SEM1: variants seen among roughly 807,000 people sequenced by gnomAD.
SEM1 encodes the protein 26S proteasome complex subunit SEM1.
Under a neutral mutation model 12.7 loss-of-function variants are expected in SEM1, and 3 were observed. The observed-to-expected ratio is 0.24, with a 90% CI of 0.11 to 0.61. The LOEUF (loss-of-function observed/expected upper bound fraction) is 0.61. Among genes scored for constraint, SEM1 ranks in the 20% least tolerant of loss-of-function variants. The probability of loss-of-function intolerance (pLI) is 0.88; values close to 1 mark genes in which losing one functional copy is unlikely to be tolerated. For missense variants in SEM1, 59 were observed against 81.3 expected, an observed-to-expected ratio of 0.73 and a Z score of 1.06; for synonymous variants, 30 against 27.8, an observed-to-expected ratio of 1.08 and a Z score of -0.25.
chr7:96,499,027 A>C (rs374917380), upstream of SEM1, among the ~76,000 whole-genome samples: 13 of 152,324 alleles, frequency 8.5e-5, no homozygotes, highest in East Asian at 2.3e-3. Context: ...AATGAAGCAC[A>C]TAGATTTTTC....
At chr7:96,540,817 A>C (rs1406523210) in intron 2 of SEM1, among the ~76,000 whole-genome samples, 1 of 151,850 alleles carries the variant, frequency 6.6e-6, no homozygotes, top group Admixed American at 6.6e-5. Flanking sequence ...GCTCCCACTT[A>C]TAAGTGAGAA....
At chr7:96,562,736 AC>A (rs1805727421) in intron 2 of SEM1, among the ~76,000 whole-genome samples, 1 of 152,190 alleles carries the variant, frequency 6.6e-6, no homozygotes, top group African/African-American at 2.4e-5. Flanking sequence ...GGCCACTGTT[AC>A]CAGAATATAG....
chr7:96,662,373 CATGG>C (rs1165023130), intron 2 of SEM1, among the ~76,000 whole-genome samples: 2 of 152,104 alleles, frequency 1.3e-5, no homozygotes, highest in Admixed American at 1.3e-4. Flanking sequence ...TTTGTAGGGA[CATGG>C]ATGAAGCTGG....
intron 2 of SEM1, among the ~76,000 whole-genome samples, chr7:96,648,189 T>C (rs1808863441): frequency 6.6e-6 from 1 of 152,226 alleles, no homozygotes; most frequent in African/African-American, 2.4e-5. Flanking sequence ...TCAAGAAGGT[T>C]GCTGTGAATA....
chr7:96,707,263 T>G (rs982125039), intron 1 of SEM1, among the ~76,000 whole-genome samples: 1 of 152,204 alleles, frequency 6.6e-6, no homozygotes, highest in Non-Finnish European at 1.5e-5. Context: ...ATGTCGGAAA[T>G]GTAGATTCTC....
At chr7:96,676,015 T>C (rs1289863981) in intron 2 of SEM1, among the ~76,000 whole-genome samples, 1 of 152,236 alleles carries the variant, frequency 6.6e-6, no homozygotes, top group East Asian at 1.9e-4. Context: ...AGGGCTGTTA[T>C]ATACAGCTAT....
chr7:96,679,858 T>C (rs1584857659), intron 2 of SEM1, among the ~76,000 whole-genome samples: 1 of 152,144 alleles, frequency 6.6e-6, no homozygotes, highest in East Asian at 1.9e-4. Flanking sequence ...ATAGCAAATA[T>C]TTAAGACACA....
At chr7:96,665,481 G>C (rs1398838840) in intron 2 of SEM1, among the ~76,000 whole-genome samples, 1 of 152,208 alleles carries the variant, frequency 6.6e-6, no homozygotes, top group Non-Finnish European at 1.5e-5. Context: ...AAACTTCTGA[G>C]AGAGTAAATA....
chr7:96,661,709 C>T (rs767741596), intron 2 of SEM1, among the ~76,000 whole-genome samples: 4 of 152,046 alleles, frequency 2.6e-5, no homozygotes, highest in East Asian at 1.9e-4. Flanking sequence ...GTCAGGGGGC[C>T]GGGCGTGGTG....
At chr7:96,679,985 TTC>T (rs1789557946) in intron 2 of SEM1, among the ~76,000 whole-genome samples, 1 of 152,140 alleles carries the variant, frequency 6.6e-6, no homozygotes, top group South Asian at 2.1e-4. Flanking sequence ...TCTGAATACT[TTC>T]TGTGGTAGCC....
chr7:96,655,153 AC>A (rs1427364331), intron 2 of SEM1, among the ~76,000 whole-genome samples: 13 of 152,198 alleles, frequency 8.5e-5, no homozygotes, highest in Admixed American at 7.9e-4. Context: ...AGTTTCTGCC[AC>A]AGTGAGAGCA....
chr7:96,514,096 C>T (rs530092411), intron 2 of SEM1, among the ~76,000 whole-genome samples: 1 of 152,186 alleles, frequency 6.6e-6, no homozygotes, highest in African/African-American at 2.4e-5. Flanking sequence ...TTGCCACAAA[C>T]ATATTTATTC....
chr7:96,692,676 T>G (rs1343163311), intron 2 of SEM1, among the ~76,000 whole-genome samples: 6 of 152,108 alleles, frequency 3.9e-5, no homozygotes, highest in Non-Finnish European at 8.8e-5. Context: ...AGCCATATAC[T>G]GATCATGAAG....
At chr7:96,599,247 TTCTC>T (rs35192987) in intron 2 of SEM1, among the ~76,000 whole-genome samples, 6 of 150,388 alleles carry the variant, frequency 4.0e-5, no homozygotes, top group Middle Eastern at 3.4e-3. Flanking sequence ...TTTTTTGCCT[TTCTC>T]TCTCTCTCTC....
rs116412525 is a variant in SEM1 at position 96,559,107 on chromosome 7, T to C, written c.171-52409A>G. 4.4e-3 allele frequency among the ~76,000 whole-genome samples: 668 copies of C among 152,354 alleles called. 6 individuals carry two copies. Among genetic ancestry groups the C allele is most frequent in the African/African-American group, 0.016 (650 of 41,584 alleles). ...AGTACCAGTTACTATGCTTTAGGGA[T>C]ACACACGTTAACATCTAAATTTGAG... On this transcript the variant is annotated intron_variant and NMD_transcript_variant, in intron 2 of 3. Transcript: ENST00000466986.
At chr7:96,686,669 T>A (rs1346290643), downstream of SEM1, among the ~76,000 whole-genome samples, 1 of 152,142 alleles carries the variant, frequency 6.6e-6, no homozygotes, top group Admixed American at 6.5e-5. Context: ...ATATTAGACC[T>A]AAAACCATAA....
At chr7:96,581,342 G>T (rs1806399066) in intron 2 of SEM1, among the ~76,000 whole-genome samples, 1 of 152,022 alleles carries the variant, frequency 6.6e-6, no homozygotes, top group African/African-American at 2.4e-5. Context: ...CTCTGTTTTG[G>T]TACCAGTACC....
At chr7:96,595,508 A>T (rs1806969082) in intron 2 of SEM1, among the ~76,000 whole-genome samples, 1 of 152,076 alleles carries the variant, frequency 6.6e-6, no homozygotes, top group African/African-American at 2.4e-5. Context: ...CATCTCACAA[A>T]AACACAAAAC....
At chr7:96,681,505 C>T (rs1199034263) in intron 2 of SEM1, among the ~76,000 whole-genome samples, 3 of 151,748 alleles carry the variant, frequency 2.0e-5, no homozygotes, top group Non-Finnish European at 2.9e-5. Flanking sequence ...TAAATAAGGA[C>T]GTTTGGTTTT....
Sources: gnomAD v4.1 joint callset for allele counts (sites outside exome capture counted in the v4.1 genomes callset) on GRCh38, gnomAD v4.1.1 for gene constraint, MANE v1.5 for transcripts, NCBI Gene and HGNC (gene_info 2026-07-23, HGNC 2026-07-21) for gene names.